Variants in GABRA5 observed in about 807,000 individuals in gnomAD.
GABRA5 encodes the protein gamma-aminobutyric acid type A receptor subunit alpha5.
In GABRA5, 18 loss-of-function variants were observed where a neutral mutation model predicts 47.3. The observed-to-expected ratio is 0.38, with a 90% confidence interval of 0.26 to 0.56. GABRA5 has a LOEUF of 0.56. Among genes scored for constraint, GABRA5 ranks in the 20% least tolerant of loss-of-function variants. The probability of loss-of-function intolerance (pLI) is 0.71; values close to 1 mark genes in which losing one functional copy is unlikely to be tolerated. For synonymous variants in GABRA5, 237 were observed against 229.3 expected (o/e 1.03, Z -0.30); for missense variants, 365 against 599.3 (o/e 0.61, Z 4.08).
At chr15:26,909,722 A>T (rs1448009559) in intron 6 of GABRA5, among the ~76,000 whole-genome samples, 1 of 152,208 alleles carries the variant, frequency 6.6e-6, no homozygotes, top group Non-Finnish European at 1.5e-5. Flanking sequence ...TTGTGATTGT[A>T]TTGGGCTCAC....
chr15:26,895,823 A>AGAAGAAG (rs1555390751), intron 6 of GABRA5, among the ~76,000 whole-genome samples: 2 of 65,348 alleles, frequency 3.1e-5, no homozygotes, highest in Non-Finnish European at 4.7e-5. Flanking sequence ...AAAAAAAAAA[A>AGAAGAAG]AAAAAGAAGA....
intron 8 of GABRA5, among the ~76,000 whole-genome samples, chr15:26,938,541 T>C (rs1484205000): frequency 6.6e-6 from 1 of 152,190 alleles, no homozygotes; most frequent in African/African-American, 2.4e-5. Flanking sequence ...CCAAAATAAT[T>C]AGAAGTAGGA....
intron 7 of GABRA5, among the ~76,000 whole-genome samples, chr15:26,929,339 G>C (rs1894036270): frequency 6.6e-6 from 1 of 152,196 alleles, no homozygotes; most frequent in Non-Finnish European, 1.5e-5. Flanking sequence ...AGAAAGTCCA[G>C]AACCGAGCGG....
chr15:26,945,471 T>C (rs1260353352), intron 10 of GABRA5, among the ~76,000 whole-genome samples: 1 of 152,192 alleles, frequency 6.6e-6, no homozygotes, highest in Admixed American at 6.5e-5. Context: ...GCAGTGAGAT[T>C]CAGAGAGGAA....
Position 26,883,684 on chromosome 15 carries a change from G to T in GABRA5, c.497+127G>T. On this transcript the variant is annotated intron_variant, in intron 6 of 10. Transcript: ENST00000335625. This position sits in a 1 kb window ranked among gnomAD's most constrained non-coding sequence, Gnocchi z 4.8. ...AGGTCTGAGACTGCGGCGCGTGTGT[G>T]CTGGGGGTTCCCCGTTGCCATCTGC... The T allele has an allele frequency of 1.3e-5, 10 of 746,460 alleles. No homozygotes were observed. The highest frequency in any genetic ancestry group is 1.9e-5 in the Non-Finnish European group (9 of 484,214). The allele number at this position is 746,460 out of a possible 1,614,324, so 46.2% of individuals were successfully genotyped here. A position where few individuals can be genotyped will look rare whatever the true frequency, so the allele number is the denominator to read the frequency against.
intron 3 of GABRA5, 44 bp downstream of exon 3, chr15:26,869,378 TG>T (rs1892407018): frequency 1.7e-6 from 2 of 1,200,004 alleles, no homozygotes; most frequent in Non-Finnish European, 2.5e-6. Flanking sequence ...TTAGGGACAC[TG>T]GTGCCTTTCA....
chr15:26,887,038 C>T (rs982546060), intron 6 of GABRA5, among the ~76,000 whole-genome samples: 1 of 152,160 alleles, frequency 6.6e-6, no homozygotes, highest in East Asian at 1.9e-4. Flanking sequence ...TGCCAGGGTC[C>T]TTCTGGTTGG....
At position 26,943,219 on chromosome 15, in the gene GABRA5, C is replaced by G; in HGVS notation, c.882C>G (p.Val294=). 1.3e-6 allele frequency: 2 copies of G among 1,552,800 alleles called. No individual in the cohort carries two copies. The highest frequency in any genetic ancestry group is 1.7e-6 in the Non-Finnish European group (2 of 1,148,500). The part of the protein sequence containing the change: ...ESVPARTVFG[V]TTVLTMTTLS... ...TGCCCTGCCTGACCCCCGCAGGGGTCACCACGGTGCTGACCATGACGACCC... is the reference window on the plus strand; with the variant it reads ...TGCCCTGCCTGACCCCCGCAGGGGTGACCACGGTGCTGACCATGACGACCC... Residue 294 remains valine (V), a synonymous_variant, in exon 10 of 11, where the codon GTC becomes GTG. Coordinates refer to ENST00000335625, the MANE Select transcript of GABRA5 (RefSeq NM_000810.4).
intron 7 of GABRA5, among the ~76,000 whole-genome samples, chr15:26,919,353 A>ATT (rs145074076): frequency 1.7e-3 from 265 of 151,602 alleles, no homozygotes; most frequent in African/African-American, 5.7e-3. Flanking sequence ...GTGCTTCATT[A>ATT]TTTTTTTTGT....
At chr15:26,870,565 A>G (rs965743784) in intron 3 of GABRA5, among the ~76,000 whole-genome samples, 9 of 152,198 alleles carry the variant, frequency 5.9e-5, no homozygotes, top group African/African-American at 2.2e-4. Flanking sequence ...CCTTTGAGCC[A>G]TTCTAAGTAT....
At chr15:26,904,766 G>A (rs966754083) in intron 6 of GABRA5, among the ~76,000 whole-genome samples, 1 of 151,952 alleles carries the variant, frequency 6.6e-6, no homozygotes, top group African/African-American at 2.4e-5. Context: ...CTCTTGGCTT[G>A]GCTGTTCCTG....
intron 6 of GABRA5, among the ~76,000 whole-genome samples, chr15:26,908,572 GT>G (rs1188772180): frequency 6.6e-6 from 1 of 152,144 alleles, no homozygotes; most frequent in African/African-American, 2.4e-5. Context: ...GCATTGGTGT[GT>G]TTTTTACAAG....
At chr15:26,938,138 C>T (rs1326956240) in intron 8 of GABRA5, among the ~76,000 whole-genome samples, 1 of 152,222 alleles carries the variant, frequency 6.6e-6, no homozygotes, top group African/African-American at 2.4e-5. Context: ...TGCAGCTGGC[C>T]GAGCACACAG....
Position 26,883,678 on chromosome 15 carries a change from G to C in GABRA5, c.497+121G>C, listed in dbSNP as rs887950619. 2 of 779,880 alleles carry C rather than the reference G, an allele frequency of 2.6e-6. No individual in the cohort carries two copies. Among genetic ancestry groups the C allele is most frequent in the Admixed American group, 3.2e-5 (1 of 31,516 alleles). 48.3% of individuals were successfully genotyped at this position (779,880 alleles called of 1,614,324 possible). A position where few individuals can be genotyped will look rare whatever the true frequency, so the allele number is the denominator to read the frequency against. On this transcript the variant is annotated intron_variant, in intron 6 of 10. Transcript: ENST00000335625. This position sits in a 1 kb window ranked among gnomAD's most constrained non-coding sequence, Gnocchi z 4.8. ...GACCATAGGTCTGAGACTGCGGCGC[G>C]TGTGTGCTGGGGGTTCCCCGTTGCC...
chr15:26,928,094 C>A (rs1361208496), intron 7 of GABRA5, among the ~76,000 whole-genome samples: 1 of 152,102 alleles, frequency 6.6e-6, no homozygotes, highest in Non-Finnish European at 1.5e-5. Context: ...TGGAGTGATT[C>A]ATTAAATATT....
chr15:26,914,136 T>C (rs956576110), intron 6 of GABRA5, among the ~76,000 whole-genome samples: 3 of 152,100 alleles, frequency 2.0e-5, no homozygotes, highest in Admixed American at 2.0e-4. Flanking sequence ...CTCGGTGATA[T>C]TATAATTTGG....
chr15:26,942,431 C>A (rs1225928490), intron 9 of GABRA5, among the ~76,000 whole-genome samples: 1 of 152,184 alleles, frequency 6.6e-6, no homozygotes, highest in East Asian at 1.9e-4. Context: ...TTAGATATGG[C>A]GCTTCTGTTA....
chr15:26,897,630 A>T (rs1566872558), intron 6 of GABRA5, among the ~76,000 whole-genome samples: 1 of 152,076 alleles, frequency 6.6e-6, no homozygotes, highest in Admixed American at 6.6e-5. Context: ...TTCTTTACAA[A>T]CTCAACAGGA....
At chr15:26,904,083 G>A (rs183819064) in intron 6 of GABRA5, among the ~76,000 whole-genome samples, 2 of 152,096 alleles carry the variant, frequency 1.3e-5, no homozygotes, top group East Asian at 1.9e-4. Context: ...GTCTTGTAGG[G>A]TTTTTATAGT....
Sources: allele counts gnomAD v4.1 joint callset (sites outside exome capture counted in the v4.1 genomes callset), GRCh38; gene constraint gnomAD v4.1.1; non-coding constraint Gnocchi (gnomAD v3.1); transcripts MANE v1.5; gene names NCBI Gene and HGNC (gene_info 2026-07-23, HGNC 2026-07-21).